CNTNAP2: variants seen among roughly 807,000 people sequenced by gnomAD.
CNTNAP2 encodes the protein contactin associated protein 2.
In CNTNAP2, 98 loss-of-function variants were observed where a neutral mutation model predicts 155.2. That is an observed-to-expected ratio of 0.63 (90% CI 0.54 to 0.75). The LOEUF (loss-of-function observed/expected upper bound fraction) is 0.75. Among genes scored for constraint, CNTNAP2 ranks in the 30% least tolerant of loss-of-function variants. The pLI, the probability that CNTNAP2 is intolerant of heterozygous loss-of-function variation, is 0.00. For missense variants in CNTNAP2, 1,727 were observed against 1,688.1 expected, an observed-to-expected ratio of 1.02 and a Z score of -0.40; for synonymous variants, 651 against 631.2, an observed-to-expected ratio of 1.03 and a Z score of -0.47.
intron 20 of CNTNAP2, among the ~76,000 whole-genome samples, chr7:148,245,278 A>C (rs1796239197): frequency 6.6e-6 from 1 of 152,162 alleles, no homozygotes; most frequent in African/African-American, 2.4e-5. Context: ...ACAGTAACTT[A>C]ATCTCTGTGC....
At chr7:147,667,817 A>T (rs988742314) in intron 13 of CNTNAP2, among the ~76,000 whole-genome samples, 1 of 148,884 alleles carries the variant, frequency 6.7e-6, no homozygotes, top group Non-Finnish European at 1.5e-5. Flanking sequence ...ATAATAAAAA[A>T]AATAAAATAA....
At chr7:147,393,299 C>G (rs1796754432) in intron 9 of CNTNAP2, among the ~76,000 whole-genome samples, 1 of 152,016 alleles carries the variant, frequency 6.6e-6, no homozygotes, top group Non-Finnish European at 1.5e-5. Flanking sequence ...TTACCAAGAT[C>G]AAACAGAACA....
At chr7:147,251,577 G>C (rs541860952) in intron 8 of CNTNAP2, among the ~76,000 whole-genome samples, 2 of 152,270 alleles carry the variant, frequency 1.3e-5, no homozygotes, top group African/African-American at 4.8e-5. Context: ...GGAGCTTCAG[G>C]TAGCTCATGG....
rs375965918 is a variant in CNTNAP2 at position 147,177,343 on chromosome 7, C to G, written c.1348+44834C>G. Among the ~76,000 whole-genome samples the G allele has an allele frequency of 4.7e-4, 71 of 152,106 alleles. No homozygotes were observed. In the East Asian group the frequency reaches 9.7e-3, roughly 21 times the overall value. The stretch of plus-strand genomic sequence containing the variant: ...CTGGTTTCCTGATAGTAAGTTCTCA[C>G]GAGAGCTGATGGTTTTGTAAGGGGC... On this transcript the variant is annotated intron_variant, in intron 8 of 23. Transcript: ENST00000361727.
chr7:146,208,786 G>C (rs1165684172), intron 1 of CNTNAP2: 1 of 152,074 alleles, frequency 6.6e-6, no homozygotes, highest in Non-Finnish European at 1.5e-5. Context: ...CCTTGCTGCT[G>C]TGGGTTTCAT....
intron 13 of CNTNAP2, among the ~76,000 whole-genome samples, chr7:147,834,741 T>A (rs1798607752): frequency 6.6e-6 from 1 of 152,152 alleles, no homozygotes; most frequent in African/African-American, 2.4e-5. Flanking sequence ...TCTGACTAAT[T>A]TTTGTCATAA....
chr7:147,935,786 C>T (rs1453431644), intron 14 of CNTNAP2, among the ~76,000 whole-genome samples: 2 of 152,078 alleles, frequency 1.3e-5, no homozygotes, highest in African/African-American at 2.4e-5. Flanking sequence ...AAAAAATTAA[C>T]TATACTGCCT....
At chr7:147,315,895 A>G (rs1050414014) in intron 9 of CNTNAP2, among the ~76,000 whole-genome samples, 1 of 151,996 alleles carries the variant, frequency 6.6e-6, no homozygotes, top group Non-Finnish European at 1.5e-5. Context: ...AATTCATGTA[A>G]CAGTACTTTA....
chr7:146,443,094 G>T (rs1345165947), intron 1 of CNTNAP2, among the ~76,000 whole-genome samples: 3 of 151,686 alleles, frequency 2.0e-5, no homozygotes, highest in Non-Finnish European at 4.4e-5. Flanking sequence ...GGCGACTGTA[G>T]TCCCAGCTAC....
intron 3 of CNTNAP2, among the ~76,000 whole-genome samples, chr7:146,928,819 G>A (rs547439730): frequency 6.6e-6 from 1 of 152,232 alleles, no homozygotes; most frequent in Non-Finnish European, 1.5e-5. Flanking sequence ...TACGCCCACG[G>A]AGTCTCGCTG....
intron 10 of CNTNAP2, among the ~76,000 whole-genome samples, chr7:147,478,203 G>A (rs186566961): frequency 6.6e-6 from 1 of 151,780 alleles, no homozygotes; most frequent in Admixed American, 6.6e-5. Context: ...CCCAGGCTGG[G>A]GTTCAATGAC....
rs1241365925 is a variant in CNTNAP2, at chr7:146,168,006, G to A, written c.97+51033G>A. On this transcript the variant is annotated intron_variant, in intron 1 of 23. Coordinates refer to ENST00000361727, the MANE Select transcript of CNTNAP2 (RefSeq NM_014141.6). ...CTTGACAGGAGACTGATGTTTGAGG[G>A]CAGGAAGAATGCAGTATGGGGAGAA... 2.6e-5 allele frequency among the ~76,000 whole-genome samples: 4 copies of A among 152,214 alleles called. No individual in the cohort carries two copies. In the East Asian group the frequency reaches 7.8e-4, roughly 30 times the overall value.
chr7:146,238,267 T>C (rs1445470478), intron 1 of CNTNAP2, among the ~76,000 whole-genome samples: 2 of 152,208 alleles, frequency 1.3e-5, no homozygotes, highest in African/African-American at 4.8e-5. Context: ...CGAATGGTTG[T>C]TGCTCAAAAG....
At chr7:147,182,220 C>A (rs1264452374) in intron 8 of CNTNAP2, among the ~76,000 whole-genome samples, 1 of 151,070 alleles carries the variant, frequency 6.6e-6, no homozygotes, top group Non-Finnish European at 1.5e-5. Flanking sequence ...AGCCTGTTAA[C>A]TCTAATTAAC....
intron 1 of CNTNAP2, among the ~76,000 whole-genome samples, chr7:146,173,593 T>A (rs1316830439): frequency 6.6e-6 from 1 of 152,232 alleles, no homozygotes; most frequent in Non-Finnish European, 1.5e-5. Context: ...TTGACAAATT[T>A]AATTGCCCCT....
chr7:146,958,304 T>C (rs1253805156), intron 3 of CNTNAP2, among the ~76,000 whole-genome samples: 2 of 152,176 alleles, frequency 1.3e-5, no homozygotes, highest in African/African-American at 4.8e-5. Flanking sequence ...GAACATACTT[T>C]TGTTCTCACA....
At chr7:148,382,150 C>T (rs1799075812) in intron 21 of CNTNAP2, among the ~76,000 whole-genome samples, 1 of 152,268 alleles carries the variant, frequency 6.6e-6, no homozygotes, top group Admixed American at 6.5e-5. Flanking sequence ...TGCCAGGGCT[C>T]ATTCCTGCCA....
intron 10 of CNTNAP2, among the ~76,000 whole-genome samples, chr7:147,420,561 G>T (rs1797273965): frequency 2.0e-5 from 3 of 152,154 alleles, no homozygotes; most frequent in South Asian, 4.1e-4. Flanking sequence ...TCACATTTAT[G>T]ATTTCATTCT....
At chr7:148,082,627 C>A (rs1261282079) in intron 15 of CNTNAP2, among the ~76,000 whole-genome samples, 1 of 151,932 alleles carries the variant, frequency 6.6e-6, no homozygotes, top group African/African-American at 2.4e-5. Flanking sequence ...AAGGAGAAAG[C>A]AAAGAGAATG....
Sources: gnomAD v4.1 joint callset for allele counts (sites outside exome capture counted in the v4.1 genomes callset) on GRCh38, gnomAD v4.1.1 for gene constraint, MANE v1.5 for transcripts, NCBI Gene and HGNC (gene_info 2026-07-23, HGNC 2026-07-21) for gene names.